The following NIPBL variants were observed in gnomAD, a reference collection of about 807,000 sequenced individuals.
The protein encoded by NIPBL is NIPBL cohesin loading factor.
In NIPBL, 19 loss-of-function variants were observed where a neutral mutation model predicts 321.8. The observed-to-expected ratio is 0.06, with a 90% CI of 0.04 to 0.09. The LOEUF (loss-of-function observed/expected upper bound fraction) is 0.09, where lower values mean the gene tolerates loss of function less well. NIPBL is among the 10% of genes least tolerant of loss of function. The pLI, the probability that NIPBL is intolerant of heterozygous loss-of-function variation, is 1.00. For synonymous variants in NIPBL, 1,106 were observed against 1,114.1 expected, an observed-to-expected ratio of 0.99 and a Z score of 0.14; for missense variants, 2,210 against 3,327.0, an observed-to-expected ratio of 0.66 and a Z score of 8.26.
At chr5:36,926,564 A>G (rs1749377759) in intron 1 of NIPBL, among the ~76,000 whole-genome samples, 1 of 152,232 alleles carries the variant, frequency 6.6e-6, no homozygotes, top group South Asian at 2.1e-4. Context: ...AGTATTGTCA[A>G]CATGCTTATT....
At chr5:37,042,899 GCACACA>G (rs70976273) in intron 34 of NIPBL, among the ~76,000 whole-genome samples, 6 of 144,892 alleles carry the variant, frequency 4.1e-5, no homozygotes, top group Non-Finnish European at 4.6e-5. Flanking sequence ...ACACACGCGC[GCACACA>G]CACACACACA....
chr5:36,981,949 T>C (rs560945909), intron 9 of NIPBL, among the ~76,000 whole-genome samples: 104 of 151,912 alleles, frequency 6.8e-4, no homozygotes, highest in Non-Finnish European at 1.4e-3. Context: ...TTTACATAAT[T>C]GGCTACCATG....
At chr5:37,020,998 A>G in intron 27 of NIPBL, 121 bp downstream of exon 27, 1 of 849,598 alleles carries the variant, frequency 1.2e-6, no homozygotes, top group Non-Finnish European at 2.0e-6. Context: ...TAGATGTAGT[A>G]TTTGTTTTTA....
rs1744719848 is a variant in NIPBL at position 36,985,804 on chromosome 5, G to A, written c.2624G>A (p.Gly875Glu). The change falls in exon 10 of 47, where the codon GGG becomes GAG. Residue 875 changes from glycine (G) to glutamate (E), a missense_variant. Gly to Glu is a moderately conservative substitution (Grantham distance 98). Transcript: ENST00000282516. The stretch of plus-strand genomic sequence containing the variant: ...GAACGAAAACACAGGCATGAATCAG[G>A]GGACTCAAGGGAAAGACCATCTTCT... Reference protein sequence around the residue: ...KLERKHRHESGDSRERPSSGE... With the variant: ...KLERKHRHESEDSRERPSSGE... The A allele has an allele frequency of 1.2e-6, 2 of 1,613,870 alleles. No individual in the cohort carries two copies. Among genetic ancestry groups the A allele is most frequent in the Non-Finnish European group, 1.7e-6 (2 of 1,179,938 alleles).
rs553099633 is a variant in NIPBL at position 36,943,196 on chromosome 5, A to G, written c.-79-10422A>G. On this transcript the variant is annotated intron_variant, in intron 1 of 46. Coordinates refer to ENST00000282516, the MANE Select transcript of NIPBL (RefSeq NM_133433.4). ...CAGAATTAATAAGTAAGGTTTAGTA[A>G]GCTTTCGGGATACAGAATTAATATA... Among the ~76,000 whole-genome samples the G allele has an allele frequency of 4.6e-5, 7 of 152,322 alleles. No homozygotes were observed. The South Asian group carries it at 1.2e-3, about 27-fold the overall frequency.
chr5:36,987,856 T>A (rs1335657480), intron 10 of NIPBL, among the ~76,000 whole-genome samples: 2 of 152,132 alleles, frequency 1.3e-5, no homozygotes, highest in African/African-American at 4.8e-5. Flanking sequence ...ATAAAAGAGG[T>A]TGTAGAATGT....
intron 3 of NIPBL, among the ~76,000 whole-genome samples, chr5:36,956,081 A>AT (rs1740907047): frequency 6.6e-6 from 1 of 150,770 alleles, no homozygotes; most frequent in Non-Finnish European, 1.5e-5. Flanking sequence ...AAAAAAAAAA[A>AT]TTAGCCAGGC....
At chr5:36,952,053 T>TGTGTGTGTGTGTGCGTGCGCGC (rs778597604) in intron 1 of NIPBL, among the ~76,000 whole-genome samples, 2 of 112,114 alleles carry the variant, frequency 1.8e-5, no homozygotes, top group Non-Finnish European at 3.7e-5. Flanking sequence ...TGTGTGTGTG[T>TGTGTGTGTGTGTGCGTGCGCGC]GCGCGCGCGC....
intron 6 of NIPBL, 129 bp from the exon 7 acceptor site, chr5:36,970,747 C>T: frequency 1.3e-6 from 1 of 773,300 alleles, no homozygotes. Context: ...TGAAACTAGT[C>T]AGTACATGAG....
intron 41 of NIPBL, 104 bp from the exon 42 acceptor site, chr5:37,052,262 A>G (rs892336859): frequency 4.7e-6 from 4 of 854,778 alleles, no homozygotes; most frequent in African/African-American, 1.7e-5. Context: ...TATTTTAATT[A>G]AAAAAAAACA....
chr5:37,035,606 A>G lies in NIPBL; in HGVS notation c.5863-773A>G, dbSNP rs555889913. On this transcript the variant is annotated intron_variant, in intron 32 of 46. Coordinates refer to ENST00000282516, the MANE Select transcript of NIPBL (RefSeq NM_133433.4). ...TTCTCAGTCACAGTAGGTACATTGC[A>G]AGTGCTTAATAACTGCATGTGACTC... 3.3e-5 allele frequency among the ~76,000 whole-genome samples: 5 copies of G among 152,286 alleles called. No homozygotes were observed. In the South Asian group the frequency reaches 1.0e-3, roughly 32 times the overall value.
chr5:36,917,124 G>A (rs1391079454), intron 1 of NIPBL, among the ~76,000 whole-genome samples: 3 of 152,142 alleles, frequency 2.0e-5, no homozygotes, highest in Non-Finnish European at 4.4e-5. Flanking sequence ...CCAACAGTGT[G>A]AAAGTGTTCC....
intron 10 of NIPBL, among the ~76,000 whole-genome samples, chr5:36,988,814 A>G (rs1415224112): frequency 4.6e-5 from 7 of 152,132 alleles, no homozygotes; most frequent in Admixed American, 3.9e-4. Flanking sequence ...CCTGATGTTC[A>G]TATAGAAAAT....
chr5:37,052,301 T>C, intron 41 of NIPBL, 65 bp from the exon 42 acceptor site: 1 of 1,260,424 alleles, frequency 7.9e-7, no homozygotes, highest in Non-Finnish European at 1.2e-6. Context: ...TGTAATGCTC[T>C]AAGTATATTT....
chr5:37,041,367 G>A (rs572424404), intron 34 of NIPBL, among the ~76,000 whole-genome samples: 5 of 143,742 alleles, frequency 3.5e-5, no homozygotes, highest in Non-Finnish European at 3.0e-5. Context: ...GGCTTCAAGC[G>A]ATTCTCCTTC....
chr5:37,053,133 A>G (rs532608154), intron 42 of NIPBL, among the ~76,000 whole-genome samples: 1 of 152,186 alleles, frequency 6.6e-6, no homozygotes, highest in Non-Finnish European at 1.5e-5. Context: ...GGAGAAATGC[A>G]TAGTTAGGCG....
At chr5:36,904,567 G>A (rs1262381661) in intron 1 of NIPBL, among the ~76,000 whole-genome samples, 1 of 152,150 alleles carries the variant, frequency 6.6e-6, no homozygotes, top group African/African-American at 2.4e-5. Context: ...ATTCCTATGG[G>A]CCAGGAATAT....
chr5:37,055,569 G>C (rs1395447858), intron 42 of NIPBL, among the ~76,000 whole-genome samples: 1 of 152,004 alleles, frequency 6.6e-6, no homozygotes, highest in East Asian at 1.9e-4. Flanking sequence ...GGTAGGAAGA[G>C]AAAACTTAGG....
chr5:36,976,332 T>C lies in NIPBL; in HGVS notation c.1425T>C (p.Ala475=). 1 of 1,613,090 alleles carries C rather than the reference T, an allele frequency of 6.2e-7. No homozygotes were observed. Among genetic ancestry groups the C allele is most frequent in the Non-Finnish European group, 8.5e-7 (1 of 1,179,812 alleles). ...IYDEVELDAL[A]EIERIERESA... is the part of the protein sequence containing the mutation. ...ATGAAGTGGAATTGGATGCATTGGCTGAAATTGAGCGAATAGAGAGAGAAT... is the reference window on the plus strand; with the variant it reads ...ATGAAGTGGAATTGGATGCATTGGCCGAAATTGAGCGAATAGAGAGAGAAT... Residue 475 remains alanine, a synonymous_variant, in exon 9 of 47, where the codon GCT becomes GCC. Coordinates refer to ENST00000282516, the MANE Select transcript of NIPBL (RefSeq NM_133433.4).
Sources: gnomAD v4.1 joint callset for allele counts (sites outside exome capture counted in the v4.1 genomes callset) on GRCh38, gnomAD v4.1.1 for gene constraint, MANE v1.5 for transcripts, NCBI Gene and HGNC (gene_info 2026-07-23, HGNC 2026-07-21) for gene names.